SVOP: variants seen among roughly 807,000 people sequenced by gnomAD.
SVOP encodes the protein SV2 related protein.
A neutral mutation model predicts 69.1 loss-of-function variants in SVOP; 17 were observed. That is an observed-to-expected ratio of 0.25 (90% CI 0.17 to 0.37). SVOP has a LOEUF of 0.37. SVOP is among the 10% of genes least tolerant of loss of function. The probability of loss-of-function intolerance (pLI) is 1.00; values close to 1 mark genes in which losing one functional copy is unlikely to be tolerated. For missense variants in SVOP, 435 were observed against 597.5 expected (o/e 0.73, Z 2.84); for synonymous variants, 238 against 238.6 (o/e 1.00, Z 0.02).
intron 5 of SVOP, among the ~76,000 whole-genome samples, chr12:108,962,931 C>G (rs2137423879): frequency 6.6e-6 from 1 of 152,028 alleles, no homozygotes; most frequent in South Asian, 2.1e-4. Flanking sequence ...TGCCACTGCA[C>G]TCCAGCCTGA....
intron 1 of SVOP, among the ~76,000 whole-genome samples, chr12:109,005,191 C>G (rs2040299038): frequency 6.6e-6 from 1 of 152,110 alleles, no homozygotes; most frequent in African/African-American, 2.4e-5. Flanking sequence ...GAGAGGTGGT[C>G]CATCGGAGTA....
At chr12:108,967,013 A>G (rs1412243362) in intron 5 of SVOP, among the ~76,000 whole-genome samples, 1 of 152,124 alleles carries the variant, frequency 6.6e-6, no homozygotes, top group Non-Finnish European at 1.5e-5. Context: ...TACTCCTCAT[A>G]ACAGCACCAT....
At chr12:108,943,280 C>T (rs1353828537) in intron 7 of SVOP, among the ~76,000 whole-genome samples, 1 of 151,830 alleles carries the variant, frequency 6.6e-6, no homozygotes. Flanking sequence ...TGTCTAACAA[C>T]AAGTAATGCA....
intron 15 of SVOP, among the ~76,000 whole-genome samples, chr12:108,915,086 T>C (rs2039705340): frequency 1.4e-5 from 2 of 147,958 alleles, no homozygotes; most frequent in South Asian, 4.3e-4. Context: ...GGCAGGAGAA[T>C]CGCTTGAACC....
Position 108,938,878 on chromosome 12 carries a change from T to A in SVOP, c.846A>T (p.Ala282=), listed in dbSNP as rs2039871978. ...GCGGCATGGGAGCTCCGTTTTCAGT[T>A]GCTATCCTCTTTAAGGTGGCGATTG... The part of the protein sequence containing the change: ...EKAIATLKRI[A]TENGAPMPLG... Residue 282 remains alanine (A), a synonymous_variant, in exon 9 of 16, where the codon GCA becomes GCT. Coordinates refer to ENST00000610966, the MANE Select transcript of SVOP (RefSeq NM_018711.5). The A allele has an allele frequency of 6.2e-7, 1 of 1,614,038 alleles. No homozygotes were observed. Among genetic ancestry groups the A allele is most frequent in the Non-Finnish European group, 8.5e-7 (1 of 1,179,898 alleles).
At chr12:108,955,879 T>C (rs1423271246) in intron 6 of SVOP, among the ~76,000 whole-genome samples, 1 of 152,212 alleles carries the variant, frequency 6.6e-6, no homozygotes, top group Non-Finnish European at 1.5e-5. Context: ...TGTTCCATTT[T>C]AGAGATGAGA....
intron 14 of SVOP, among the ~76,000 whole-genome samples, chr12:108,916,447 G>A (rs1566046303): frequency 6.6e-6 from 1 of 152,208 alleles, no homozygotes; most frequent in Non-Finnish European, 1.5e-5. Context: ...CCTGGGCACT[G>A]TGGATGTTTT....
chr12:108,966,137 A>G (rs1392311804), intron 5 of SVOP, among the ~76,000 whole-genome samples: 1 of 152,034 alleles, frequency 6.6e-6, no homozygotes, highest in East Asian at 1.9e-4. Context: ...AGTAGCCTGG[A>G]CCACAGTCAC....
In SVOP at chr12:108,912,092, G is replaced by T; in HGVS notation, c.*443C>A. The T allele has an allele frequency of 1.3e-6, 1 of 794,016 alleles. No homozygotes were observed. The highest frequency in any genetic ancestry group is 1.5e-6 in the Non-Finnish European group (1 of 650,236). 49.2% of individuals were successfully genotyped at this position (794,016 alleles called of 1,614,324 possible). On this transcript the variant is annotated 3_prime_UTR_variant, in exon 16 of 16. Coordinates refer to ENST00000610966, the MANE Select transcript of SVOP (RefSeq NM_018711.5). ...TGCAATTTCAAAGAAGAAAGCCTGG[G>T]GCTGTGAGTGTGGGAGAAACCTACT...
intron 5 of SVOP, among the ~76,000 whole-genome samples, chr12:108,961,405 GCT>G (rs1335777241): frequency 4.1e-5 from 6 of 145,250 alleles, no homozygotes; most frequent in Non-Finnish European, 9.0e-5. Flanking sequence ...TAGACTTTTT[GCT>G]CTGTTTCACA....
At chr12:108,940,529 C>T (rs1438596105) in intron 8 of SVOP, among the ~76,000 whole-genome samples, 2 of 150,064 alleles carry the variant, frequency 1.3e-5, no homozygotes, top group African/African-American at 2.5e-5. Flanking sequence ...GTAGATTTTG[C>T]AATGATGGGG....
At chr12:108,932,958 A>C (rs555770273) in intron 11 of SVOP, among the ~76,000 whole-genome samples, 25 of 152,206 alleles carry the variant, frequency 1.6e-4, no homozygotes, top group African/African-American at 5.8e-4. Context: ...TGCTCACTGC[A>C]ACCCCCACCT....
chr12:108,979,617 G>C (rs188023645), intron 2 of SVOP, among the ~76,000 whole-genome samples: 1 of 152,266 alleles, frequency 6.6e-6, no homozygotes, highest in East Asian at 1.9e-4. Context: ...TAAGTGAAAA[G>C]CAAAAGTTGT....
intron 7 of SVOP, among the ~76,000 whole-genome samples, chr12:108,943,404 T>G (rs1320757890): frequency 6.6e-6 from 1 of 151,674 alleles, no homozygotes; most frequent in Non-Finnish European, 1.5e-5. Context: ...AAGATCAGCC[T>G]GGCCAAGATG....
rs551862263 is a variant in SVOP at position 108,993,980 on chromosome 12, A to G, written c.36-10219T>C. ...AAAGAAATCGCTGTGTGGCCTGATC[A>G]TCTTCCTTGAATACTCCTTTTGTCA... On this transcript the variant is annotated intron_variant, in intron 1 of 15. Transcript: ENST00000610966. Among the ~76,000 whole-genome samples the G allele has an allele frequency of 1.1e-3, 167 of 152,354 alleles. 1 individual carries two copies. Among genetic ancestry groups the G allele is most frequent in the Non-Finnish European group, 1.4e-3 (93 of 68,034 alleles).
intron 10 of SVOP, among the ~76,000 whole-genome samples, chr12:108,936,098 T>C (rs2039854905): frequency 6.7e-6 from 1 of 150,350 alleles, no homozygotes; most frequent in East Asian, 1.9e-4. Context: ...CAGGCTGGAG[T>C]GCAGGGGAGC....
intron 5 of SVOP, among the ~76,000 whole-genome samples, chr12:108,972,053 A>G (rs2040082541): frequency 6.6e-6 from 1 of 151,200 alleles, no homozygotes; most frequent in Non-Finnish European, 1.5e-5. Flanking sequence ...CAAAAAGAAA[A>G]ACAAAAAACC....
chr12:108,912,587 C>T lies in SVOP; in HGVS notation c.1595G>A (p.Arg532Gln), dbSNP rs1392169611. The change falls in exon 16 of 16, where the codon CGA becomes CAA. Residue 532 changes from arginine (R) to glutamine (Q), a missense_variant. Physicochemically the swap from Arg to Gln is conservative, Grantham distance 43. Coordinates refer to ENST00000610966, the MANE Select transcript of SVOP (RefSeq NM_018711.5). The part of the protein sequence containing the change: ...HREWGQEMVG[R>Q]GMHGAGVTRS... Reference sequence around the variant, plus strand: ...GGTAACACCTGCACCGTGCATTCCTCGGCCGACCATCTCCTGGCCCCACTC... The same window carrying T: ...GGTAACACCTGCACCGTGCATTCCTTGGCCGACCATCTCCTGGCCCCACTC... The T allele has an allele frequency of 6.2e-6, 10 of 1,613,868 alleles. No individual in the cohort carries two copies. Among genetic ancestry groups the T allele is most frequent in the East Asian group, 2.2e-5 (1 of 44,864 alleles).
At chr12:108,982,068 C>T (rs899797671) in intron 2 of SVOP, among the ~76,000 whole-genome samples, 29 of 151,882 alleles carry the variant, frequency 1.9e-4, no homozygotes, top group African/African-American at 6.5e-4. Context: ...CCATCATAAC[C>T]ACCATCTTCA....
Sources: allele counts gnomAD v4.1 joint callset (sites outside exome capture counted in the v4.1 genomes callset), GRCh38; gene constraint gnomAD v4.1.1; transcripts MANE v1.5; gene names NCBI Gene and HGNC (gene_info 2026-07-23, HGNC 2026-07-21).